The following NUP58 variants were observed in gnomAD, a reference collection of about 807,000 sequenced individuals.
The protein encoded by NUP58 is nucleoporin p58/p45.
In NUP58, 17 loss-of-function variants were observed where a neutral mutation model predicts 70.1. That is an observed-to-expected ratio of 0.24 (90% confidence interval 0.17 to 0.36). The LOEUF (loss-of-function observed/expected upper bound fraction) is 0.36, where lower values mean the gene tolerates loss of function less well. Ranked by LOEUF, NUP58 falls within the 10% of genes least tolerant of loss-of-function variation. The pLI, the probability that NUP58 is intolerant of heterozygous loss-of-function variation, is 1.00. For synonymous variants in NUP58, 275 were observed against 257.6 expected (o/e 1.07, Z -0.65); for missense variants, 644 against 701.5 (o/e 0.92, Z 0.93).
In NUP58 at chr13:25,327,019, C is replaced by A; in HGVS notation, c.1135C>A (p.His379Asn). 6.3e-7 allele frequency: 1 copy of A among 1,584,990 alleles called. No homozygotes were observed. The highest frequency in any genetic ancestry group is 8.6e-7 in the Non-Finnish European group (1 of 1,157,660). ...TCTTGCCACTCAAGCAAATAATTCA[C>A]ATATAACCCCTCAAGGTAACATGCT... ...NHLATQANNS[H>N]ITPQDLSMAM... Residue 379 changes from histidine to asparagine, a missense_variant, in exon 11 of 16, where the codon CAT becomes AAT. By Grantham distance (68) the His-to-Asn change is moderately conservative (BLOSUM62 1). Transcript: ENST00000381736.
At chr13:25,311,212 TG>T (rs930594826) in intron 3 of NUP58, among the ~76,000 whole-genome samples, 29 of 152,134 alleles carry the variant, frequency 1.9e-4, no homozygotes, top group African/African-American at 7.0e-4. Context: ...GTGGAAATGG[TG>T]GGCAGAGTTG....
Position 25,325,028 on chromosome 13 carries a change from A to G in NUP58, c.991A>G (p.Thr331Ala). The G allele has an allele frequency of 6.2e-7, 1 of 1,611,022 alleles. No homozygotes were observed. Among genetic ancestry groups the G allele is most frequent in the South Asian group, 1.1e-5 (1 of 90,902 alleles). Residue 331 changes from threonine (T) to alanine (A), a missense_variant, in exon 10 of 16, where the codon ACA (threonine) becomes GCA (alanine). Around this residue, in one of 4 missense-constraint regions of NUP58, gnomAD observed 430 missense variants for 409.2 expected, o/e 1.05. Transcript: ENST00000381736. Reference sequence around the variant, plus strand: ...TGAAATAGCTTTAAGAACCCAGAAGACACCACCTGGACTTCAACATGAATA... The same window carrying G: ...TGAAATAGCTTTAAGAACCCAGAAGGCACCACCTGGACTTCAACATGAATA... ...NAEIALRTQK[T>A]PPGLQHEYAA...
chr13:25,335,110 A>G, intron 13 of NUP58: 2 of 985,278 alleles, frequency 2.0e-6, no homozygotes, highest in Middle Eastern at 5.2e-4. Flanking sequence ...AATGTTATAC[A>G]TTTGCCTACG....
chr13:25,313,613 G>A lies in NUP58; in HGVS notation c.437-1G>A. ...AAAGCTTACTATCTCTCTTTTTATA[G>A]CATCCACAGGATTTACTCTAAATAA... On this transcript the variant is annotated splice_acceptor_variant, in intron 4 of 15. Transcript: ENST00000381736. LOFTEE classifies it high-confidence loss of function. The A allele has an allele frequency of 2.7e-6, 4 of 1,488,354 alleles. No homozygotes were observed. Among genetic ancestry groups the A allele is most frequent in the Non-Finnish European group, 3.5e-6 (4 of 1,128,868 alleles). 92.2% of individuals were successfully genotyped at this position (1,488,354 alleles called of 1,614,324 possible).
chr13:25,335,223 A>G (rs1383416836), intron 13 of NUP58: 1 of 984,888 alleles, frequency 1.0e-6, no homozygotes, highest in Admixed American at 6.2e-5. Flanking sequence ...ATTAGATATG[A>G]GTTCTTGATT....
At chr13:25,333,621 G>C (rs1384482241) in intron 13 of NUP58, 1 of 985,210 alleles carries the variant, frequency 1.0e-6, no homozygotes, top group African/African-American at 1.7e-5. Flanking sequence ...AGGTCTCCCA[G>C]GCCTTCCCAG....
intron 6 of NUP58, among the ~76,000 whole-genome samples, chr13:25,318,170 A>T (rs2031023055): frequency 6.6e-6 from 1 of 152,088 alleles, no homozygotes; most frequent in Non-Finnish European, 1.5e-5. Flanking sequence ...TCTACTAAAA[A>T]TGCAAAAGCT....
chr13:25,338,547 A>T, intron 14 of NUP58, 89 bp from the exon 15 acceptor site: 3 of 880,638 alleles, frequency 3.4e-6, no homozygotes, highest in Non-Finnish European at 3.8e-6. Context: ...TATCTGTTAG[A>T]CCTCTGATGA....
chr13:25,349,751 A>T (rs1363402357), exon 4 of NUP58: 1 of 152,412 alleles, frequency 6.6e-6, no homozygotes, highest in African/African-American at 2.4e-5. Context: ...GGTTTGATCA[A>T]GATGTTTAGA....
At chr13:25,325,167 A>G in intron 10 of NUP58, 99 bp downstream of exon 10, 1 of 847,968 alleles carries the variant, frequency 1.2e-6, no homozygotes, top group South Asian at 1.6e-5. Flanking sequence ...TACTATGTGG[A>G]AAGGCTGAGC....
At chr13:25,328,393 C>T (rs900493791) in intron 12 of NUP58, among the ~76,000 whole-genome samples, 5 of 113,172 alleles carry the variant, frequency 4.4e-5, no homozygotes, top group South Asian at 3.6e-4. Context: ...GACTGACTCT[C>T]GCTTTTTTTT....
rs765819113 is a variant in NUP58 at position 25,301,784 on chromosome 13, G to A, written c.11G>A (p.Gly4Glu). 1 of 1,612,730 alleles carries A rather than the reference G, an allele frequency of 6.2e-7. No individual in the cohort carries two copies. The highest frequency in any genetic ancestry group is 1.7e-5 in the Admixed American group (1 of 59,892). MST[G>E]FSFGSGTLGS... is the part of the protein sequence containing the mutation. ...GAGCCCTGGCCAGACATGTCCACAGGGTTCTCCTTCGGGTCCGGGACTCTG... is the reference window on the plus strand; with the variant it reads ...GAGCCCTGGCCAGACATGTCCACAGAGTTCTCCTTCGGGTCCGGGACTCTG... Residue 4 changes from glycine (G) to glutamate (E), a missense_variant, in exon 1 of 16, where the codon GGG becomes GAG. By Grantham distance (98) the Gly-to-Glu change is moderately conservative. Transcript: ENST00000381736.
chr13:25,339,401 A>G (rs2031888028), intron 15 of NUP58, among the ~76,000 whole-genome samples: 3 of 152,232 alleles, frequency 2.0e-5, no homozygotes, highest in Non-Finnish European at 1.5e-5. Context: ...GAGGAAGATA[A>G]TAATAGGATT....
At position 25,340,377 on chromosome 13, in the gene NUP58, C is replaced by T. The variant is rs765852969; in HGVS notation, c.*243C>T. 27 of 365,262 alleles carry T rather than the reference C, an allele frequency of 7.4e-5. No individual in the cohort carries two copies. Among genetic ancestry groups the T allele is most frequent in the Admixed American group, 1.9e-4 (4 of 21,202 alleles). The allele number at this position is 365,262 out of a possible 1,614,324, so 22.6% of individuals were successfully genotyped here. A position where few individuals can be genotyped will look rare whatever the true frequency, so the allele number is the denominator to read the frequency against. ...CTCAGTGTAAGAAATGTTCTGATTA[C>T]ATCACTGATTGGTAATGGTTAGAAA... is the stretch of plus-strand genomic sequence containing the variant. On this transcript the variant is annotated 3_prime_UTR_variant, in exon 16 of 16. Transcript: ENST00000381736.
intron 13 of NUP58, among the ~76,000 whole-genome samples, chr13:25,336,629 A>G (rs1403282058): frequency 1.3e-5 from 2 of 152,224 alleles, no homozygotes; most frequent in East Asian, 3.8e-4. Context: ...TTTATGATAC[A>G]TTAAAGATTT....
At position 25,309,399 on chromosome 13, in the gene NUP58, A is replaced by G. The variant is rs1013147986; in HGVS notation, c.286+117A>G. 1.0e-5 allele frequency: 8 copies of G among 771,814 alleles called. No homozygotes were observed. The Admixed American group carries it at 1.6e-4, about 15-fold the overall frequency. 47.8% of individuals were successfully genotyped at this position (771,814 alleles called of 1,614,324 possible). The stretch of plus-strand genomic sequence containing the variant: ...TTCACAGAGCTGGAGTATAGAAAAA[A>G]GTGTGTATCACAGATGGTGACTTAT... On this transcript the variant is annotated intron_variant, in intron 3 of 15. Coordinates refer to ENST00000381736, the MANE Select transcript of NUP58 (RefSeq NM_014089.4).
downstream of NUP58, among the ~76,000 whole-genome samples, chr13:25,342,723 G>A (rs1025409098): frequency 6.6e-6 from 1 of 151,950 alleles, no homozygotes; most frequent in Non-Finnish European, 1.5e-5. Flanking sequence ...ATGTATCCTT[G>A]TAGACCCTTT....
chr13:25,310,469 C>T (rs1292999894), intron 3 of NUP58, among the ~76,000 whole-genome samples: 3 of 148,934 alleles, frequency 2.0e-5, no homozygotes, highest in African/African-American at 7.4e-5. Context: ...ATCCACCCGC[C>T]TTGGCCTTCC....
intron 3 of NUP58, 53 bp from the exon 4 acceptor site, chr13:25,312,830 C>T (rs2030736774): frequency 6.6e-7 from 1 of 1,522,658 alleles, no homozygotes; most frequent in East Asian, 2.5e-5. Flanking sequence ...AGAACACTTA[C>T]AGGTAAAGTA....
Sources: gnomAD v4.1 joint callset for allele counts (sites outside exome capture counted in the v4.1 genomes callset) on GRCh38, gnomAD v4.1.1 for gene constraint, gnomAD v4.1.1 regional missense constraint, MANE v1.5 for transcripts, NCBI Gene and HGNC (gene_info 2026-07-23, HGNC 2026-07-21) for gene names.